The following CDK5RAP2 variants were observed in gnomAD, a reference collection of about 807,000 sequenced individuals.
CDK5RAP2 encodes the protein CDK5 regulatory subunit associated protein 2.
Under a neutral mutation model 232.9 loss-of-function variants are expected in CDK5RAP2, and 147 were observed. The observed-to-expected ratio is 0.63, with a 90% CI of 0.55 to 0.72. The LOEUF is 0.72. Among genes scored for constraint, CDK5RAP2 ranks in the 30% least tolerant of loss-of-function variants. The pLI, the probability that CDK5RAP2 is intolerant of heterozygous loss-of-function variation, is 0.00. For synonymous variants in CDK5RAP2, 833 were observed against 833.7 expected (o/e 1.00, Z 0.01); for missense variants, 2,195 against 2,231.5 (o/e 0.98, Z 0.33).
Position 120,577,430 on chromosome 9 carries a change from G to A in CDK5RAP2, c.59+2490C>T, listed in dbSNP as rs534663517. ...ATTGTCAGAGGCTGGGAGAAGGGGG[G>A]AATAGGGAGTTACTGTTTTAACAGG... On this transcript the variant is annotated intron_variant, in intron 1 of 37. Coordinates refer to ENST00000349780, the MANE Select transcript of CDK5RAP2 (RefSeq NM_018249.6). 2.6e-4 allele frequency among the ~76,000 whole-genome samples: 40 copies of A among 152,186 alleles called. 1 individual carries two copies. Among genetic ancestry groups the A allele is most frequent in the African/African-American group, 8.7e-4 (36 of 41,528 alleles).
At chr9:120,441,137 G>A (rs1359422732) in intron 23 of CDK5RAP2, among the ~76,000 whole-genome samples, 1 of 152,220 alleles carries the variant, frequency 6.6e-6, no homozygotes, top group Non-Finnish European at 1.5e-5. Context: ...TCATATGGTT[G>A]TAGTGCAGCT....
At chr9:120,542,510 A>AG (rs2041676813) in intron 5 of CDK5RAP2, among the ~76,000 whole-genome samples, 1 of 152,196 alleles carries the variant, frequency 6.6e-6, no homozygotes, top group Non-Finnish European at 1.5e-5. Context: ...AAAAAAAAAA[A>AG]AGAGATGGGT....
intron 2 of CDK5RAP2, among the ~76,000 whole-genome samples, chr9:120,569,258 G>T (rs2042758836): frequency 6.6e-6 from 1 of 152,170 alleles, no homozygotes; most frequent in South Asian, 2.1e-4. Flanking sequence ...TTTCTGCTAG[G>T]CCCCTTTCTA....
At chr9:120,448,248 C>T in intron 21 of CDK5RAP2, 122 bp from the exon 22 acceptor site, 1 of 797,608 alleles carries the variant, frequency 1.3e-6, no homozygotes, top group Non-Finnish European at 2.2e-6. Context: ...ACTTCTCGTT[C>T]CCATAATGGC....
At chr9:120,500,287 T>C (rs992196835) in intron 12 of CDK5RAP2, among the ~76,000 whole-genome samples, 3 of 152,236 alleles carry the variant, frequency 2.0e-5, no homozygotes, top group African/African-American at 7.2e-5. Context: ...AAACAAGTTT[T>C]TTTTTTCTAA....
At chr9:120,557,546 A>G (rs569038635) in intron 3 of CDK5RAP2, among the ~76,000 whole-genome samples, 1 of 152,278 alleles carries the variant, frequency 6.6e-6, no homozygotes, top group African/African-American at 2.4e-5. Context: ...ACTTGAGCCC[A>G]GGAGTTTAGG....
intron 25 of CDK5RAP2, among the ~76,000 whole-genome samples, 187 bp from the exon 26 acceptor site, chr9:120,422,928 G>T (rs936889461): frequency 2.0e-5 from 3 of 152,180 alleles, no homozygotes; most frequent in Non-Finnish European, 4.4e-5. Flanking sequence ...CTTTATCACT[G>T]CATTGACACT....
At chr9:120,568,234 C>T in intron 3 of CDK5RAP2, 87 bp downstream of exon 3, 2 of 1,066,986 alleles carry the variant, frequency 1.9e-6, no homozygotes, top group East Asian at 2.4e-5. Context: ...GAACTTAGAT[C>T]TCAAGAAACA....
intron 25 of CDK5RAP2, among the ~76,000 whole-genome samples, chr9:120,432,078 T>C (rs1564207242): frequency 6.6e-6 from 1 of 152,202 alleles, no homozygotes; most frequent in African/African-American, 2.4e-5. Flanking sequence ...CCAAACATTA[T>C]TAAAGAAATA....
At chr9:120,568,650 G>C (rs1030767259) in intron 2 of CDK5RAP2, among the ~76,000 whole-genome samples, 3 of 152,192 alleles carry the variant, frequency 2.0e-5, no homozygotes, top group Admixed American at 6.5e-5. Flanking sequence ...ATTTTGCAAA[G>C]CAGACTGTCC....
At chr9:120,469,851 G>T (rs551162130) in intron 17 of CDK5RAP2, among the ~76,000 whole-genome samples, 6 of 152,174 alleles carry the variant, frequency 3.9e-5, no homozygotes, top group African/African-American at 9.7e-5. Context: ...CGGAAAAGTG[G>T]CTAACTCTAA....
chr9:120,577,979 T>C (rs1206236416), intron 1 of CDK5RAP2, among the ~76,000 whole-genome samples: 10 of 152,156 alleles, frequency 6.6e-5, no homozygotes, highest in Admixed American at 5.9e-4. Flanking sequence ...ATTTAAAAAA[T>C]AGTTCTCACG....
At chr9:120,413,231 T>C (rs1186428258) in intron 28 of CDK5RAP2, among the ~76,000 whole-genome samples, 1 of 152,218 alleles carries the variant, frequency 6.6e-6, no homozygotes, top group African/African-American at 2.4e-5. Context: ...GACCTAAACC[T>C]GAGCTAGTGA....
intron 12 of CDK5RAP2, among the ~76,000 whole-genome samples, chr9:120,503,876 A>T (rs937527121): frequency 3.3e-5 from 5 of 152,106 alleles, no homozygotes; most frequent in African/African-American, 1.2e-4. Flanking sequence ...AACAAGGTTC[A>T]GCTCTTGCCC....
chr9:120,503,940 G>GGCAC (rs1230455885), intron 12 of CDK5RAP2, among the ~76,000 whole-genome samples: 1 of 152,096 alleles, frequency 6.6e-6, no homozygotes, highest in Non-Finnish European at 1.5e-5. Flanking sequence ...CTTAAGGTGT[G>GGCAC]GCACGCCCTC....
intron 12 of CDK5RAP2, among the ~76,000 whole-genome samples, chr9:120,515,574 G>A (rs2131818018): frequency 6.6e-6 from 1 of 152,212 alleles, no homozygotes; most frequent in South Asian, 2.1e-4. Context: ...TTAATAACAT[G>A]CAATAAACTA....
At chr9:120,455,589 A>C (rs1421432248) in intron 20 of CDK5RAP2, among the ~76,000 whole-genome samples, 1 of 152,006 alleles carries the variant, frequency 6.6e-6, no homozygotes, top group Non-Finnish European at 1.5e-5. Flanking sequence ...AAAAAATACA[A>C]AAAATTAGCC....
chr9:120,551,199 T>TTGAA (rs2042029615), intron 3 of CDK5RAP2, among the ~76,000 whole-genome samples: 1 of 152,098 alleles, frequency 6.6e-6, no homozygotes, highest in African/African-American at 2.4e-5. Flanking sequence ...AAAAGAAGAA[T>TTGAA]TTCTTCTTTT....
At position 120,409,239 on chromosome 9, in the gene CDK5RAP2, A is replaced by G; in HGVS notation, c.4492T>C (p.Tyr1498His). 2 of 1,613,718 alleles carry G rather than the reference A, an allele frequency of 1.2e-6. No homozygotes were observed. Among genetic ancestry groups the G allele is most frequent in the Non-Finnish European group, 1.7e-6 (2 of 1,179,910 alleles). ...TCATTTTCTTCCTTCACGCTGGCAT[A>G]CTCCCGCTGAAGGTGCTCCAGGCTC... ...TVSLEHLQRE[Y>H]ASVKEENERL... The change falls in exon 30 of 38, where the codon TAT (tyrosine) becomes CAT (histidine). Residue 1498 changes from tyrosine (Y) to histidine (H), a missense_variant. Tyr to His is a moderately conservative substitution (Grantham distance 83, BLOSUM62 2). Transcript: ENST00000349780.
Sources: allele counts gnomAD v4.1 joint callset (sites outside exome capture counted in the v4.1 genomes callset), GRCh38; gene constraint gnomAD v4.1.1; transcripts MANE v1.5; gene names NCBI Gene and HGNC (gene_info 2026-07-23, HGNC 2026-07-21).